Variants in ZFAND3 observed in about 807,000 individuals in gnomAD.
The protein encoded by ZFAND3 is AN1-type zinc finger protein 3.
Under a neutral mutation model 29.6 loss-of-function variants are expected in ZFAND3, and 10 were observed. The observed-to-expected ratio is 0.34, with a 90% CI of 0.21 to 0.57. The LOEUF is 0.57. Among genes scored for constraint, ZFAND3 ranks in the 20% least tolerant of loss-of-function variants. ZFAND3 has a pLI of 0.86. For missense variants in ZFAND3, 230 were observed against 304.5 expected (o/e 0.76, Z 1.82); for synonymous variants, 128 against 112.6 (o/e 1.14, Z -0.87).
At chr6:37,912,933 G>A (rs527625610) in intron 1 of ZFAND3, among the ~76,000 whole-genome samples, 1 of 152,242 alleles carries the variant, frequency 6.6e-6, no homozygotes, top group Admixed American at 6.5e-5. Flanking sequence ...TGGTTTCCGA[G>A]TACATATAAA....
chr6:37,889,773 A>G (rs1411305213), intron 1 of ZFAND3, among the ~76,000 whole-genome samples: 9 of 152,180 alleles, frequency 5.9e-5, no homozygotes, highest in African/African-American at 2.2e-4. Flanking sequence ...GGTAGTTTGA[A>G]ACAATAGAAC....
intron 1 of ZFAND3, among the ~76,000 whole-genome samples, chr6:37,837,544 G>A (rs1203309814): frequency 7.1e-6 from 1 of 140,626 alleles, no homozygotes; most frequent in Admixed American, 7.3e-5. Context: ...TGCTCTTGTT[G>A]CCCAGGCTGG....
At chr6:38,127,339 C>T (rs1173387031) in intron 5 of ZFAND3, among the ~76,000 whole-genome samples, 2 of 152,214 alleles carry the variant, frequency 1.3e-5, no homozygotes, top group Admixed American at 1.3e-4. Context: ...TACCACGTAG[C>T]CTGTAACTGG....
At chr6:37,900,056 T>C (rs1476194834) in intron 1 of ZFAND3, among the ~76,000 whole-genome samples, 2 of 152,204 alleles carry the variant, frequency 1.3e-5, no homozygotes, top group Admixed American at 6.5e-5. Context: ...ATTATTCTTT[T>C]GGGTAGTGTC....
chr6:38,093,047 A>G (rs930905524), intron 4 of ZFAND3, among the ~76,000 whole-genome samples: 9 of 152,240 alleles, frequency 5.9e-5, no homozygotes, highest in Admixed American at 5.9e-4. Flanking sequence ...AGTATAAGCT[A>G]CATAAACTAA....
intron 1 of ZFAND3, among the ~76,000 whole-genome samples, chr6:37,872,239 G>C (rs752185837): frequency 5.7e-4 from 87 of 152,172 alleles, no homozygotes; most frequent in Non-Finnish European, 1.0e-3. Flanking sequence ...CTTTCTCAAT[G>C]CAATTCCCAT....
chr6:38,126,981 C>T (rs1765647369), intron 5 of ZFAND3, among the ~76,000 whole-genome samples: 1 of 151,792 alleles, frequency 6.6e-6, no homozygotes, highest in Non-Finnish European at 1.5e-5. Context: ...TTGAATACTG[C>T]AGCTTTGCTA....
intron 5 of ZFAND3, among the ~76,000 whole-genome samples, chr6:38,117,159 A>G (rs1229772060): frequency 6.6e-6 from 1 of 152,020 alleles, no homozygotes; most frequent in Non-Finnish European, 1.5e-5. Context: ...GATAAATGGA[A>G]GATTTTTTTT....
At chr6:37,883,471 G>T (rs1430975479) in intron 1 of ZFAND3, among the ~76,000 whole-genome samples, 1 of 116,556 alleles carries the variant, frequency 8.6e-6, no homozygotes, top group African/African-American at 4.9e-5. Context: ...AGTTTTGTTT[G>T]CAGATATTTT....
chr6:37,885,533 A>C (rs933651494), intron 1 of ZFAND3, among the ~76,000 whole-genome samples: 10 of 152,120 alleles, frequency 6.6e-5, no homozygotes, highest in African/African-American at 2.4e-4. Flanking sequence ...AATCCCAGCT[A>C]CTTGAGAGAC....
At chr6:38,126,958 T>C (rs1048237003) in intron 5 of ZFAND3, among the ~76,000 whole-genome samples, 14 of 152,144 alleles carry the variant, frequency 9.2e-5, no homozygotes, top group Non-Finnish European at 1.9e-4. Context: ...AATATATCAT[T>C]TTATATCACT....
chr6:37,899,100 C>T (rs553143459), intron 1 of ZFAND3, among the ~76,000 whole-genome samples: 119 of 152,182 alleles, frequency 7.8e-4, no homozygotes, highest in African/African-American at 2.7e-3. Context: ...GGGGTTTCAC[C>T]GTGTTAGTCA....
intron 5 of ZFAND3, among the ~76,000 whole-genome samples, chr6:38,128,167 T>C (rs1182636519): frequency 1.3e-5 from 2 of 152,240 alleles, no homozygotes; most frequent in Non-Finnish European, 2.9e-5. Context: ...TTAAAAATGT[T>C]TTCTTTCAGA....
At chr6:38,077,616 G>C (rs1187501145) in intron 3 of ZFAND3, among the ~76,000 whole-genome samples, 1 of 152,146 alleles carries the variant, frequency 6.6e-6, no homozygotes, top group Non-Finnish European at 1.5e-5. Context: ...TTGATGTGCT[G>C]TTATTTGTGT....
At chr6:38,044,473 C>T (rs966837479) in intron 2 of ZFAND3, among the ~76,000 whole-genome samples, 10 of 152,192 alleles carry the variant, frequency 6.6e-5, no homozygotes, top group Non-Finnish European at 1.5e-4. Flanking sequence ...ACTTGAGCGC[C>T]TGAGTGCTAG....
At chr6:38,019,648 G>A (rs376579323) in intron 2 of ZFAND3, among the ~76,000 whole-genome samples, 1 of 151,922 alleles carries the variant, frequency 6.6e-6, no homozygotes, top group Non-Finnish European at 1.5e-5. Context: ...ATGCTTCTTC[G>A]GTTTGCTTTT....
intron 1 of ZFAND3, among the ~76,000 whole-genome samples, chr6:37,906,368 A>AT (rs952390415): frequency 9.2e-5 from 14 of 151,882 alleles, no homozygotes; most frequent in African/African-American, 2.4e-4. Flanking sequence ...CATAACTTCC[A>AT]TTTTTTTTAA....
chr6:37,842,744 G>A (rs924341159), intron 1 of ZFAND3, among the ~76,000 whole-genome samples: 1 of 152,090 alleles, frequency 6.6e-6, no homozygotes, highest in Non-Finnish European at 1.5e-5. Flanking sequence ...TAGAGTTTGG[G>A]AGATACCCTG....
At chr6:37,829,905 G>A (rs1763829665) in intron 1 of ZFAND3, among the ~76,000 whole-genome samples, 1 of 152,192 alleles carries the variant, frequency 6.6e-6, no homozygotes, top group Non-Finnish European at 1.5e-5. Context: ...GTGGAGTACT[G>A]CACTCTTGTA....
Sources: allele counts gnomAD v4.1 joint callset (sites outside exome capture counted in the v4.1 genomes callset), GRCh38; gene constraint gnomAD v4.1.1; transcripts MANE v1.5; gene names NCBI Gene and HGNC (gene_info 2026-07-23, HGNC 2026-07-21).